Variants in BRF1 observed in about 807,000 individuals in gnomAD.
BRF1 encodes transcription factor IIIB 90 kDa subunit.
BRF1 carries 59 observed loss-of-function variants against 81.7 expected under a neutral mutation model. The observed-to-expected ratio is 0.72, with a 90% CI of 0.59 to 0.90. BRF1 has a LOEUF of 0.90. BRF1 is among the 40% of genes least tolerant of loss of function. BRF1 has a pLI of 0.00. For missense variants in BRF1, 1,050 were observed against 936.3 expected (o/e 1.12, Z -1.58); for synonymous variants, 491 against 395.6 (o/e 1.24, Z -2.86).
At chr14:105,296,140 T>C (rs891986190) in intron 1 of BRF1, among the ~76,000 whole-genome samples, 3 of 145,250 alleles carry the variant, frequency 2.1e-5, no homozygotes, top group African/African-American at 7.7e-5. Flanking sequence ...GGGCCAGGTG[T>C]GGTGGCTCAC....
In BRF1 at chr14:105,210,290, C is replaced by T. The variant is rs1889917621; in HGVS notation, c.*261G>A. Reference sequence around the variant, plus strand: ...GGAGGGTCCTTGGATGAGTCGACGGCAGGCAGCGGGACCCAGCCCTGCACA... The same window carrying T: ...GGAGGGTCCTTGGATGAGTCGACGGTAGGCAGCGGGACCCAGCCCTGCACA... On this transcript the variant is annotated 3_prime_UTR_variant, in exon 18 of 18. Transcript: ENST00000547530. This position sits in a 1 kb window ranked among gnomAD's most constrained non-coding sequence, Gnocchi z 4.7. The T allele has an allele frequency of 1.9e-6, 1 of 514,812 alleles. No homozygotes were observed. Among genetic ancestry groups the T allele is most frequent in the Non-Finnish European group, 3.5e-6 (1 of 283,416 alleles). The allele number at this position is 514,812 out of a possible 1,614,324, so 31.9% of individuals were successfully genotyped here.
At chr14:105,229,499 G>A (rs138035634) in intron 6 of BRF1, among the ~76,000 whole-genome samples, 1 of 152,200 alleles carries the variant, frequency 6.6e-6, no homozygotes, top group East Asian at 1.9e-4. Flanking sequence ...CTGCCGACCT[G>A]GGGCTCCAAT....
chr14:105,252,216 T>C (rs1433878075), intron 5 of BRF1, among the ~76,000 whole-genome samples: 6 of 152,198 alleles, frequency 3.9e-5, no homozygotes, highest in African/African-American at 7.2e-5. Context: ...GTCTCATGCC[T>C]GTAATCCCAG....
intron 4 of BRF1, 37 bp from the exon 5 acceptor site, chr14:105,252,616 T>G: frequency 6.3e-7 from 1 of 1,597,820 alleles, no homozygotes; most frequent in Non-Finnish European, 8.5e-7. Context: ...ACAGCATTGG[T>G]ATTTAAGGAA....
intron 2 of BRF1, among the ~76,000 whole-genome samples, chr14:105,285,933 C>T (rs1414815577): frequency 6.6e-6 from 1 of 152,234 alleles, no homozygotes; most frequent in Non-Finnish European, 1.5e-5. Context: ...ACCCAGCAGA[C>T]ATTTCTCCAG....
At chr14:105,282,296 G>A (rs1429387817) in intron 2 of BRF1, among the ~76,000 whole-genome samples, 1 of 152,328 alleles carries the variant, frequency 6.6e-6, no homozygotes, top group African/African-American at 2.4e-5. Context: ...CAGGGTGCAC[G>A]GAGGCAAGCA....
intron 16 of BRF1, 197 bp from the exon 17 acceptor site, chr14:105,211,490 T>A (rs1400319520): frequency 1.8e-6 from 1 of 569,958 alleles, no homozygotes; most frequent in Non-Finnish European, 3.0e-6. Context: ...TGTGTCAGCA[T>A]CAAGATCCCA....
At position 105,309,714 on chromosome 14, in the gene BRF1, C is replaced by T. The variant is rs957452710; in HGVS notation, c.-162+5608G>A. ...GTGCAGGACACCGAGGATGTCATCA[C>T]GACCTTAGGTCTGTATTAGGTCTAG... On this transcript the variant is annotated intron_variant, in intron 1 of 17. Transcript: ENST00000327359. This position sits in a 1 kb window ranked among gnomAD's most constrained non-coding sequence, Gnocchi z 4.0. Among the ~76,000 whole-genome samples, 2 of 150,396 alleles carry T rather than the reference C, an allele frequency of 1.3e-5. No individual in the cohort carries two copies. The highest frequency in any genetic ancestry group is 2.4e-5 in the African/African-American group (1 of 40,990).
intron 2 of BRF1, among the ~76,000 whole-genome samples, chr14:105,278,766 C>T (rs1458426021): frequency 6.6e-6 from 1 of 151,846 alleles, no homozygotes; most frequent in African/African-American, 2.4e-5. Flanking sequence ...AAGAATTGGC[C>T]GTGCGCAGTG....
chr14:105,295,376 C>T (rs954319149), intron 1 of BRF1, among the ~76,000 whole-genome samples: 24 of 150,522 alleles, frequency 1.6e-4, no homozygotes, highest in African/African-American at 5.4e-4. Context: ...GAGGCCAAGA[C>T]GGGAGAATTA....
At chr14:105,222,305 C>A in intron 10 of BRF1, 1 of 177,492 alleles carries the variant, frequency 5.6e-6, no homozygotes, top group Non-Finnish European at 1.2e-5. Flanking sequence ...AGCCCACAGG[C>A]TTATCTGCAA....
Position 105,209,652 on chromosome 14 carries a change from T to C in BRF1, c.*899A>G, listed in dbSNP as rs1378555298. On this transcript the variant is annotated 3_prime_UTR_variant, in exon 18 of 18. Coordinates refer to ENST00000547530, the MANE Select transcript of BRF1 (RefSeq NM_001519.4). The stretch of plus-strand genomic sequence containing the variant: ...GCCTCCGTCTGCCCTCCCTCCTCGA[T>C]GGGGGGCCTGATCCAGCTCTGACAG... The C allele has an allele frequency of 2.9e-6, 2 of 683,582 alleles. No homozygotes were observed. Among genetic ancestry groups the C allele is most frequent in the Admixed American group, 2.1e-5 (1 of 48,032 alleles). The allele number at this position is 683,582 out of a possible 1,614,324, so 42.3% of individuals were successfully genotyped here. A position where few individuals can be genotyped will look rare whatever the true frequency, so the allele number is the denominator to read the frequency against.
rs587665391 is a variant in BRF1, at chr14:105,309,389, G to A, written c.-162+5933C>T. On this transcript the variant is annotated intron_variant, in intron 1 of 17. Transcript: ENST00000327359. This position sits in a 1 kb window ranked among gnomAD's most constrained non-coding sequence, Gnocchi z 4.0. Reference sequence around the variant, plus strand: ...CCCATGTTGCTAAAACTGAGGCAGCGTTCCGTTTTGCTGGTTATTCCACAT... The same window carrying A: ...CCCATGTTGCTAAAACTGAGGCAGCATTCCGTTTTGCTGGTTATTCCACAT... 3.3e-5 allele frequency among the ~76,000 whole-genome samples: 5 copies of A among 152,312 alleles called. No individual in the cohort carries two copies. The highest frequency in any genetic ancestry group is 2.1e-4 in the South Asian group (1 of 4,826).
intron 2 of BRF1, among the ~76,000 whole-genome samples, chr14:105,280,178 G>C (rs750736532): frequency 8.5e-5 from 13 of 152,216 alleles, no homozygotes; most frequent in African/African-American, 3.1e-4. Flanking sequence ...CAACTGTGGC[G>C]CACCTAGGCG....
intron 11 of BRF1, among the ~76,000 whole-genome samples, chr14:105,221,075 C>T (rs982475785): frequency 6.6e-6 from 1 of 152,224 alleles, no homozygotes; most frequent in Non-Finnish European, 1.5e-5. Flanking sequence ...TGGTGCCCGA[C>T]GGGAGGCAGG....
intron 16 of BRF1, 148 bp downstream of exon 16, chr14:105,211,965 C>A (rs1164076224): frequency 8.1e-7 from 1 of 1,232,888 alleles, no homozygotes; most frequent in East Asian, 2.6e-5. Context: ...CCTCGATTCT[C>A]TGGCCATGCC....
intron 3 of BRF1, among the ~76,000 whole-genome samples, chr14:105,260,099 G>A (rs943496795): frequency 5.9e-5 from 9 of 152,166 alleles, no homozygotes; most frequent in African/African-American, 1.9e-4. Flanking sequence ...ACGGGTGACC[G>A]TTTGTCAGAA....
chr14:105,283,749 C>T (rs587654440), intron 2 of BRF1, among the ~76,000 whole-genome samples: 17 of 152,308 alleles, frequency 1.1e-4, no homozygotes, highest in African/African-American at 1.7e-4. Flanking sequence ...AAAGATACCG[C>T]GAGTTTTTGG....
intron 6 of BRF1, among the ~76,000 whole-genome samples, chr14:105,229,386 A>G (rs587771304): frequency 1.3e-5 from 2 of 152,356 alleles, no homozygotes; most frequent in South Asian, 2.1e-4. Flanking sequence ...ACGGCTTCTC[A>G]GGTGGACTGA....
Sources: allele counts gnomAD v4.1 joint callset (sites outside exome capture counted in the v4.1 genomes callset), GRCh38; gene constraint gnomAD v4.1.1; non-coding constraint Gnocchi (gnomAD v3.1); transcripts MANE v1.5; gene names NCBI Gene and HGNC (gene_info 2026-07-23, HGNC 2026-07-21).